Variants in FSIP1 observed in about 807,000 individuals in gnomAD.
FSIP1 encodes the protein fibrous sheath-interacting protein 1.
A neutral mutation model predicts 60.9 loss-of-function variants in FSIP1; 65 were observed. The observed-to-expected ratio is 1.07, with a 90% CI of 0.87 to 1.31. FSIP1 has a LOEUF of 1.31. FSIP1 is among the 40% of genes most tolerant of loss of function. FSIP1 has a pLI of 0.00. For synonymous variants in FSIP1, 209 were observed against 221.2 expected (o/e 0.94, Z 0.49); for missense variants, 675 against 665.5 (o/e 1.01, Z -0.16).
intron 11 of FSIP1, among the ~76,000 whole-genome samples, chr15:39,608,967 C>T (rs1027335154): frequency 6.6e-6 from 1 of 152,160 alleles, no homozygotes; most frequent in Admixed American, 6.5e-5. Context: ...GCCAGCACAG[C>T]ACCACACACA....
rs535234012 is a variant in FSIP1, at chr15:39,629,570, C to T, written c.1189-11325G>A. ...GCTGCCCCTCAGCCCTCTCTGCCTG[C>T]GCACACCCTCCTCAGGAAGCAAACT... On this transcript the variant is annotated intron_variant, in intron 10 of 11. Coordinates refer to ENST00000350221, the MANE Select transcript of FSIP1 (RefSeq NM_152597.5). 8.5e-4 allele frequency among the ~76,000 whole-genome samples: 130 copies of T among 152,280 alleles called. 1 individual carries two copies. Among genetic ancestry groups the T allele is most frequent in the African/African-American group, 2.8e-3 (118 of 41,554 alleles).
At chr15:39,609,459 T>C (rs1890945533) in intron 11 of FSIP1, among the ~76,000 whole-genome samples, 1 of 151,738 alleles carries the variant, frequency 6.6e-6, no homozygotes, top group Non-Finnish European at 1.5e-5. Context: ...TGCTTAAGGC[T>C]TGCCAGGCTA....
chr15:39,681,995 T>A (rs1233448456), intron 10 of FSIP1, among the ~76,000 whole-genome samples: 1 of 152,222 alleles, frequency 6.6e-6, no homozygotes, highest in East Asian at 1.9e-4. Context: ...GGATTTTTTT[T>A]AAATGTTGGG....
intron 10 of FSIP1, among the ~76,000 whole-genome samples, chr15:39,676,539 G>A (rs537846908): frequency 6.6e-6 from 1 of 152,096 alleles, no homozygotes; most frequent in Non-Finnish European, 1.5e-5. Context: ...TGTGTTCACG[G>A]AGCAGCTCAG....
intron 8 of FSIP1, 21 bp from the exon 9 acceptor site, chr15:39,726,768 C>T: frequency 1.9e-6 from 3 of 1,609,110 alleles, no homozygotes; most frequent in Non-Finnish European, 2.5e-6. Context: ...ACAAGGGTCA[C>T]CAGGTCATTC....
At chr15:39,728,100 A>G (rs904867842) in intron 8 of FSIP1, among the ~76,000 whole-genome samples, 2 of 152,220 alleles carry the variant, frequency 1.3e-5, no homozygotes, top group Non-Finnish European at 2.9e-5. Flanking sequence ...GACCTCTACA[A>G]TGAGAATTAA....
At chr15:39,606,426 G>T (rs2140363942) in intron 11 of FSIP1, among the ~76,000 whole-genome samples, 1 of 152,230 alleles carries the variant, frequency 6.6e-6, no homozygotes, top group African/African-American at 2.4e-5. Context: ...CAGGTAAATT[G>T]CATACCCATC....
chr15:39,644,331 G>A (rs530694207), intron 10 of FSIP1, among the ~76,000 whole-genome samples: 2 of 152,200 alleles, frequency 1.3e-5, no homozygotes, highest in African/African-American at 4.8e-5. Flanking sequence ...CATTTAAAAC[G>A]GCTGTTCCTG....
intron 5 of FSIP1, among the ~76,000 whole-genome samples, chr15:39,757,201 A>G (rs1897326086): frequency 6.6e-6 from 1 of 152,110 alleles, no homozygotes; most frequent in South Asian, 2.1e-4. Flanking sequence ...ATGGCTATAT[A>G]TGATTGATTA....
chr15:39,753,862 C>T (rs1260445581), intron 5 of FSIP1, among the ~76,000 whole-genome samples: 1 of 151,942 alleles, frequency 6.6e-6, no homozygotes, highest in Admixed American at 6.6e-5. Flanking sequence ...AAGTCACTAA[C>T]TTTCGTCTAT....
intron 10 of FSIP1, among the ~76,000 whole-genome samples, chr15:39,711,916 A>C (rs373340898): frequency 1.3e-5 from 2 of 151,876 alleles, no homozygotes; most frequent in African/African-American, 2.4e-5. Flanking sequence ...CGAACTCCTG[A>C]GCTCAGGCAA....
chr15:39,665,149 C>T (rs1893447340), intron 10 of FSIP1, among the ~76,000 whole-genome samples: 1 of 152,194 alleles, frequency 6.6e-6, no homozygotes, highest in South Asian at 2.1e-4. Flanking sequence ...ATTACTACAT[C>T]TTTTGGGCTC....
chr15:39,647,979 G>A (rs1892690357), intron 10 of FSIP1, among the ~76,000 whole-genome samples: 1 of 151,496 alleles, frequency 6.6e-6, no homozygotes, highest in Non-Finnish European at 1.5e-5. Context: ...AGTATAACAT[G>A]GACACATGAA....
At chr15:39,742,914 A>G (rs1896852623) in intron 5 of FSIP1, among the ~76,000 whole-genome samples, 1 of 152,158 alleles carries the variant, frequency 6.6e-6, no homozygotes, top group African/African-American at 2.4e-5. Flanking sequence ...AAGCCTGGGG[A>G]GAGAGGGGTA....
chr15:39,608,631 G>A (rs1221409909), intron 11 of FSIP1, among the ~76,000 whole-genome samples: 1 of 152,154 alleles, frequency 6.6e-6, no homozygotes, highest in Non-Finnish European at 1.5e-5. Flanking sequence ...GATCTTTGGT[G>A]TGAAGAAAGC....
intron 3 of FSIP1, among the ~76,000 whole-genome samples, chr15:39,769,172 G>A (rs1429559764): frequency 8.6e-5 from 13 of 151,446 alleles, no homozygotes; most frequent in Non-Finnish European, 1.2e-4. Context: ...CCAGCTACTC[G>A]GGAGGCTGAG....
At chr15:39,669,853 C>G (rs1333081981) in intron 10 of FSIP1, among the ~76,000 whole-genome samples, 4 of 152,186 alleles carry the variant, frequency 2.6e-5, no homozygotes, top group Non-Finnish European at 5.9e-5. Flanking sequence ...GCAAAGCCAG[C>G]AGCATGCATA....
intron 10 of FSIP1, among the ~76,000 whole-genome samples, chr15:39,681,404 C>A (rs1894156352): frequency 6.6e-6 from 1 of 151,706 alleles, no homozygotes; most frequent in African/African-American, 2.4e-5. Flanking sequence ...TTACTTTTAT[C>A]ATCTAAAGAG....
At chr15:39,728,104 G>A (rs1388863628) in intron 8 of FSIP1, among the ~76,000 whole-genome samples, 1 of 152,056 alleles carries the variant, frequency 6.6e-6, no homozygotes, top group Non-Finnish European at 1.5e-5. Context: ...TCTACAATGA[G>A]AATTAAAAAG....
Sources: gnomAD v4.1 joint callset for allele counts (sites outside exome capture counted in the v4.1 genomes callset) on GRCh38, gnomAD v4.1.1 for gene constraint, MANE v1.5 for transcripts, NCBI Gene and HGNC (gene_info 2026-07-23, HGNC 2026-07-21) for gene names.